GRM1: variants seen among roughly 807,000 people sequenced by gnomAD.
GRM1 encodes the protein glutamate metabotropic receptor 1.
A neutral mutation model predicts 90.9 loss-of-function variants in GRM1; 33 were observed. That is an observed-to-expected ratio of 0.36 (90% confidence interval 0.28 to 0.49). The LOEUF is 0.49. Ranked by LOEUF, GRM1 falls within the 20% of genes least tolerant of loss-of-function variation. The probability of loss-of-function intolerance (pLI) is 0.99; values close to 1 mark genes in which losing one functional copy is unlikely to be tolerated. For missense variants in GRM1, 1,190 were observed against 1,534.3 expected (o/e 0.78, Z 3.75); for synonymous variants, 700 against 613.2 (o/e 1.14, Z -2.09).
rs1170999955 is a variant in GRM1, at chr6:146,399,767, CT to C, written c.2660+69del. The C allele has an allele frequency of 2.1e-5, 22 of 1,056,018 alleles. No homozygotes were observed. The African/African-American group carries it at 3.1e-4, about 15-fold the overall frequency. The allele number at this position is 1,056,018 out of a possible 1,614,324, so 65.4% of individuals were successfully genotyped here. On this transcript the variant is annotated intron_variant, in intron 7 of 7. Transcript: ENST00000282753. The surrounding 1 kb of genome is among the most constrained non-coding windows in gnomAD (Gnocchi z 5.4). ...TCTGTCTCTTTCTCTCTCTCTCTCT[CT>C]CTCTCTTTCTCTGTCTCTCATATCT...
intron 2 of GRM1, among the ~76,000 whole-genome samples, chr6:146,296,311 T>G (rs2114901515): frequency 6.6e-6 from 1 of 152,326 alleles, no homozygotes; most frequent in African/African-American, 2.4e-5. Context: ...ACTAATCCTT[T>G]ATATTTATGG....
rs566554097 is a variant in GRM1 at position 146,393,741 on chromosome 6, T to C, written c.1730-5028T>C. ...ATTCCCATCAAGCTACCATTGACTT[T>C]CTTCACAGAATTAGAAAAAACTACT... On this transcript the variant is annotated intron_variant, in intron 6 of 7. Coordinates refer to ENST00000282753, the MANE Select transcript of GRM1 (RefSeq NM_001278064.2). Among the ~76,000 whole-genome samples, 193 of 152,306 alleles carry C rather than the reference T, an allele frequency of 1.3e-3. 5 individuals carry two copies. In the South Asian group the frequency reaches 0.038, roughly 30 times the overall value.
chr6:146,252,601 A>G (rs2114767248), intron 2 of GRM1, among the ~76,000 whole-genome samples: 1 of 151,910 alleles, frequency 6.6e-6, no homozygotes, highest in Non-Finnish European at 1.5e-5. Context: ...GCGACAGAGC[A>G]AACCTCCAAC....
chr6:146,382,473 T>C (rs1393714867), intron 5 of GRM1, among the ~76,000 whole-genome samples: 3 of 152,132 alleles, frequency 2.0e-5, no homozygotes, highest in African/African-American at 7.2e-5. Flanking sequence ...TTTGAAAGAC[T>C]CACTGCTCTA....
At chr6:146,336,831 C>T (rs1784786583) in intron 3 of GRM1, among the ~76,000 whole-genome samples, 1 of 152,200 alleles carries the variant, frequency 6.6e-6, no homozygotes, top group Non-Finnish European at 1.5e-5. Flanking sequence ...TTGGTAGCTT[C>T]TATGATACCA....
At chr6:146,162,213 G>C (rs1407759824) in intron 2 of GRM1, among the ~76,000 whole-genome samples, 1 of 152,124 alleles carries the variant, frequency 6.6e-6, no homozygotes, top group Non-Finnish European at 1.5e-5. Context: ...TATGATTCTG[G>C]CTACTGCCAG....
intron 2 of GRM1, among the ~76,000 whole-genome samples, chr6:146,240,807 T>C (rs1367584493): frequency 6.6e-6 from 1 of 152,134 alleles, no homozygotes; most frequent in Non-Finnish European, 1.5e-5. Flanking sequence ...GAATATAAAT[T>C]ACCTAAAAAT....
At chr6:146,223,103 C>A (rs950825953) in intron 2 of GRM1, among the ~76,000 whole-genome samples, 2 of 151,910 alleles carry the variant, frequency 1.3e-5, no homozygotes, top group African/African-American at 4.8e-5. Context: ...TAGCTGTAAG[C>A]AACTTACAGC....
chr6:146,218,223 G>A (rs563244783), intron 2 of GRM1, among the ~76,000 whole-genome samples: 11 of 152,212 alleles, frequency 7.2e-5, no homozygotes, highest in Admixed American at 3.3e-4. Flanking sequence ...ATGATTTTCT[G>A]GCCCTGGTTA....
chr6:146,313,658 G>T (rs1437325403), intron 3 of GRM1, among the ~76,000 whole-genome samples: 1 of 152,132 alleles, frequency 6.6e-6, no homozygotes, highest in Non-Finnish European at 1.5e-5. Context: ...TATACTTGGG[G>T]TCTGGCCCAT....
chr6:146,203,172 G>T (rs1035637040), intron 2 of GRM1, among the ~76,000 whole-genome samples: 1 of 149,982 alleles, frequency 6.7e-6, no homozygotes, highest in Admixed American at 6.7e-5. Flanking sequence ...CCAGCCTGGG[G>T]GACAGAGAGA....
At chr6:146,242,923 T>G (rs1009655208) in intron 2 of GRM1, among the ~76,000 whole-genome samples, 4 of 152,146 alleles carry the variant, frequency 2.6e-5, no homozygotes, top group African/African-American at 9.6e-5. Flanking sequence ...GCATTCTTTA[T>G]CTATGGAGAA....
rs78603807 is a variant in GRM1, at chr6:146,426,268, A to C, written c.2661-7604A>C. ...AGTCCACTGCCACAAGGGATAAAGA[A>C]GTGTGTCAACAGTGGAGGGAAAGAG... On this transcript the variant is annotated intron_variant, in intron 7 of 7. Coordinates refer to ENST00000282753, the MANE Select transcript of GRM1 (RefSeq NM_001278064.2). Among the ~76,000 whole-genome samples, 592 of 152,264 alleles carry C rather than the reference A, an allele frequency of 3.9e-3. 14 individuals carry two copies. The East Asian group carries it at 0.071, about 18-fold the overall frequency.
At chr6:146,374,149 ATGATGTATCGGTATCGCAT>A (rs1030252744) in intron 5 of GRM1, among the ~76,000 whole-genome samples, 11 of 96,198 alleles carry the variant, frequency 1.1e-4, no homozygotes, top group African/African-American at 9.6e-4. Flanking sequence ...TTCTGTTGAT[ATGATGTATCGGTATCGCAT>A]TGATTAATTT....
intron 1 of GRM1, among the ~76,000 whole-genome samples, chr6:146,088,664 A>C (rs1454782697): frequency 6.6e-6 from 1 of 152,146 alleles, no homozygotes. Flanking sequence ...TGATCTAAAA[A>C]TTTAAACTGA....
intron 2 of GRM1, among the ~76,000 whole-genome samples, chr6:146,209,946 A>G (rs1240172861): frequency 1.3e-5 from 2 of 152,202 alleles, no homozygotes; most frequent in African/African-American, 4.8e-5. Flanking sequence ...AAATATTTTA[A>G]CAGAAAGGAA....
At chr6:146,075,551 A>T (rs1010769425) in intron 1 of GRM1, among the ~76,000 whole-genome samples, 3 of 152,188 alleles carry the variant, frequency 2.0e-5, no homozygotes, top group Non-Finnish European at 2.9e-5. Flanking sequence ...CAATGAGGAG[A>T]TAGAATCTGC....
At chr6:146,124,407 C>G (rs1776117868) in intron 1 of GRM1, among the ~76,000 whole-genome samples, 1 of 152,160 alleles carries the variant, frequency 6.6e-6, no homozygotes, top group Non-Finnish European at 1.5e-5. Context: ...CAGAGATTGT[C>G]TCTAAATTCA....
intron 7 of GRM1, among the ~76,000 whole-genome samples, chr6:146,413,047 C>T (rs1258615936): frequency 2.0e-5 from 3 of 152,026 alleles, no homozygotes; most frequent in Admixed American, 6.5e-5. Flanking sequence ...TAATCTTGTT[C>T]TAGAGTAGAT....
Sources: allele counts gnomAD v4.1 joint callset (sites outside exome capture counted in the v4.1 genomes callset), GRCh38; gene constraint gnomAD v4.1.1; non-coding constraint Gnocchi (gnomAD v3.1); transcripts MANE v1.5; gene names NCBI Gene and HGNC (gene_info 2026-07-23, HGNC 2026-07-21).